The following MAGI1 variants were observed in gnomAD, a reference collection of about 807,000 sequenced individuals.
The protein encoded by MAGI1 is membrane associated guanylate kinase, WW and PDZ domain containing 1, also known as membrane-associated guanylate kinase, WW and PDZ domain-containing protein 1.
In MAGI1, 58 loss-of-function variants were observed where a neutral mutation model predicts 139.9. The observed-to-expected ratio is 0.41, with a 90% confidence interval of 0.34 to 0.52. The LOEUF (loss-of-function observed/expected upper bound fraction) is 0.52. MAGI1 is among the 20% of genes least tolerant of loss of function. The pLI is 0.12. For synonymous variants in MAGI1, 812 were observed against 737.9 expected (o/e 1.10, Z -1.63); for missense variants, 1,874 against 1,901.6 (o/e 0.99, Z 0.27).
intron 1 of MAGI1, among the ~76,000 whole-genome samples, chr3:65,698,621 T>G (rs1408163138): frequency 6.0e-4 from 91 of 152,112 alleles, no homozygotes; most frequent in African/African-American, 1.5e-3. Context: ...AACAAGCAAT[T>G]GGGAAAGGAT....
chr3:65,426,045 G>T (rs1055237049), intron 12 of MAGI1, among the ~76,000 whole-genome samples: 1 of 152,144 alleles, frequency 6.6e-6, no homozygotes, highest in Non-Finnish European at 1.5e-5. Flanking sequence ...TTCCTGACTG[G>T]ACAGCAGAGG....
chr3:65,387,008 C>T, intron 14 of MAGI1: 1 of 707,000 alleles, frequency 1.4e-6, no homozygotes, highest in South Asian at 1.9e-5. Context: ...TCAACAAGAG[C>T]TCCAAAGCAC....
chr3:65,380,436 T>C (rs1942952325), intron 16 of MAGI1, among the ~76,000 whole-genome samples: 1 of 152,196 alleles, frequency 6.6e-6, no homozygotes, highest in Non-Finnish European at 1.5e-5. Flanking sequence ...TGTGCAACCA[T>C]CATCATCATC....
intron 2 of MAGI1, among the ~76,000 whole-genome samples, chr3:65,570,580 A>G (rs1219350417): frequency 6.6e-6 from 1 of 152,186 alleles, no homozygotes; most frequent in Admixed American, 6.5e-5. Context: ...ACACATGGAA[A>G]TGTTTAAAAA....
At chr3:65,855,506 CA>C (rs1482183054) in intron 1 of MAGI1, among the ~76,000 whole-genome samples, 2 of 143,560 alleles carry the variant, frequency 1.4e-5, no homozygotes, top group Non-Finnish European at 3.0e-5. Flanking sequence ...GAGACTGAGG[CA>C]GGGGGGATCA....
chr3:65,378,712 C>T (rs1942782200), intron 17 of MAGI1, among the ~76,000 whole-genome samples: 1 of 149,164 alleles, frequency 6.7e-6, no homozygotes, highest in Admixed American at 6.7e-5. Context: ...GACAGAGTCT[C>T]GCTGTGTCAC....
At chr3:65,616,894 T>C (rs2083402475) in intron 2 of MAGI1, among the ~76,000 whole-genome samples, 1 of 152,176 alleles carries the variant, frequency 6.6e-6, no homozygotes, top group South Asian at 2.1e-4. Context: ...GCTCTAATTG[T>C]CAAAGATCAC....
intron 1 of MAGI1, among the ~76,000 whole-genome samples, chr3:65,641,231 T>G (rs1559747069): frequency 6.6e-6 from 1 of 152,172 alleles, no homozygotes; most frequent in Non-Finnish European, 1.5e-5. Context: ...CTTGGGGTCC[T>G]GGAATGTTCT....
intron 1 of MAGI1, among the ~76,000 whole-genome samples, chr3:65,877,575 A>G (rs2060164132): frequency 6.6e-6 from 1 of 152,184 alleles, no homozygotes; most frequent in African/African-American, 2.4e-5. Context: ...ACATGAAATC[A>G]GTAAGGTAAG....
In MAGI1 at chr3:65,959,149, T is replaced by C. The variant is rs963890637; in HGVS notation, c.313+78847A>G. Among the ~76,000 whole-genome samples the C allele has an allele frequency of 4.6e-5, 7 of 152,338 alleles. 1 individual carries two copies. The South Asian group carries it at 1.5e-3, about 32-fold the overall frequency. On this transcript the variant is annotated intron_variant, in intron 1 of 22. Transcript: ENST00000402939. ...CTCCAAAAGATACAAATCCTGGGAC[T>C]CTGAACTAGCTTTGTTTGACAGCCC...
chr3:65,453,486 A>T (rs1293183616), intron 5 of MAGI1, 146 bp from the exon 6 acceptor site: 2 of 640,766 alleles, frequency 3.1e-6, no homozygotes, highest in African/African-American at 3.7e-5. Flanking sequence ...ACCAGAAGAG[A>T]GCCTGAGTTT....
intron 2 of MAGI1, among the ~76,000 whole-genome samples, chr3:65,588,969 C>G (rs547088590): frequency 6.6e-6 from 1 of 152,116 alleles, no homozygotes; most frequent in Non-Finnish European, 1.5e-5. Flanking sequence ...TGAAGTTATC[C>G]TTAAACTTAT....
chr3:65,375,553 G>C (rs917854962), intron 18 of MAGI1, among the ~76,000 whole-genome samples, 192 bp downstream of exon 18: 2 of 152,122 alleles, frequency 1.3e-5, no homozygotes, highest in Non-Finnish European at 2.9e-5. Flanking sequence ...AAGAGGGTGA[G>C]GTATGGGTTA....
At chr3:65,411,479 A>C (rs1364209987) in intron 12 of MAGI1, among the ~76,000 whole-genome samples, 1 of 152,134 alleles carries the variant, frequency 6.6e-6, no homozygotes, top group African/African-American at 2.4e-5. Flanking sequence ...GTGATTTTTA[A>C]CTACATAGGA....
intron 5 of MAGI1, among the ~76,000 whole-genome samples, chr3:65,457,243 T>A (rs1949459922): frequency 6.6e-6 from 1 of 152,190 alleles, no homozygotes; most frequent in Non-Finnish European, 1.5e-5. Context: ...ATAAATGGAA[T>A]CATTGTATGT....
intron 1 of MAGI1, among the ~76,000 whole-genome samples, chr3:65,831,756 G>A (rs1452287513): frequency 1.3e-5 from 2 of 152,154 alleles, no homozygotes; most frequent in Admixed American, 1.3e-4. Context: ...GTGAATGGAA[G>A]TTTTAGATAA....
intron 2 of MAGI1, among the ~76,000 whole-genome samples, chr3:65,606,568 A>C (rs7650275): frequency 0.24 from 35,686 of 151,682 alleles, 4,262 homozygotes; most frequent in Middle Eastern, 0.29. Context: ...CCCAGACTGG[A>C]GTATAGTGGC....
intron 2 of MAGI1, chr3:65,499,086 A>C: frequency 1.1e-6 from 1 of 933,576 alleles, no homozygotes; most frequent in Non-Finnish European, 1.3e-6. Flanking sequence ...AAAAACTCTC[A>C]TATGCTTTGA....
intron 1 of MAGI1, among the ~76,000 whole-genome samples, chr3:65,838,548 T>G (rs190286382): frequency 1.3e-5 from 2 of 152,360 alleles, no homozygotes; most frequent in Admixed American, 1.3e-4. Context: ...TCCATCCAAG[T>G]TATTGTGTAT....
Sources: allele counts gnomAD v4.1 joint callset (sites outside exome capture counted in the v4.1 genomes callset), GRCh38; gene constraint gnomAD v4.1.1; transcripts MANE v1.5; gene names NCBI Gene and HGNC (gene_info 2026-07-23, HGNC 2026-07-21).